PLEKHA7: variants seen among roughly 807,000 people sequenced by gnomAD.
PLEKHA7 encodes the protein pleckstrin homology domain-containing family A member 7.
Under a neutral mutation model 170.0 loss-of-function variants are expected in PLEKHA7, and 104 were observed. That is an observed-to-expected ratio of 0.61 (90% CI 0.52 to 0.72). The LOEUF (loss-of-function observed/expected upper bound fraction) is 0.72. Ranked by LOEUF, PLEKHA7 falls within the 30% of genes least tolerant of loss-of-function variation. The pLI, the probability that PLEKHA7 is intolerant of heterozygous loss-of-function variation, is 0.00. For synonymous variants in PLEKHA7, 648 were observed against 660.8 expected (o/e 0.98, Z 0.30); for missense variants, 1,615 against 1,671.7 (o/e 0.97, Z 0.59).
At chr11:16,780,179 T>C (rs536083806) in intron 26 of PLEKHA7, among the ~76,000 whole-genome samples, 7 of 152,330 alleles carry the variant, frequency 4.6e-5, no homozygotes, top group African/African-American at 1.7e-4. Flanking sequence ...CCTTCCCCTG[T>C]CCAGGTGAAC....
At chr11:16,911,026 G>C (rs1415715319) in intron 3 of PLEKHA7, among the ~76,000 whole-genome samples, 1 of 152,166 alleles carries the variant, frequency 6.6e-6, no homozygotes, top group Non-Finnish European at 1.5e-5. Context: ...TCCTATATCT[G>C]ATGACTTGGC....
At chr11:16,901,228 A>C (rs1857313733) in intron 3 of PLEKHA7, among the ~76,000 whole-genome samples, 1 of 152,134 alleles carries the variant, frequency 6.6e-6, no homozygotes, top group Admixed American at 6.6e-5. Context: ...AATAATATAT[A>C]CTCCTTAGAG....
intron 3 of PLEKHA7, among the ~76,000 whole-genome samples, chr11:17,008,306 G>C (rs1865133791): frequency 6.6e-6 from 1 of 152,224 alleles, no homozygotes; most frequent in African/African-American, 2.4e-5. Context: ...AGCCAGGGAA[G>C]GAAGACAGCC....
At chr11:16,797,056 A>T (rs142263286) in intron 17 of PLEKHA7, among the ~76,000 whole-genome samples, 4,340 of 146,830 alleles carry the variant, frequency 0.03, 88 homozygotes, top group Middle Eastern at 0.1. Flanking sequence ...TATATCAATT[A>T]AAAAAAAATT....
At chr11:17,000,000 T>A (rs1375076267) in intron 3 of PLEKHA7, among the ~76,000 whole-genome samples, 1 of 152,148 alleles carries the variant, frequency 6.6e-6, no homozygotes, top group African/African-American at 2.4e-5. Flanking sequence ...TACTCACATG[T>A]GGGAATCCTC....
chr11:16,964,440 C>T (rs146015215), intron 3 of PLEKHA7, among the ~76,000 whole-genome samples: 294 of 152,292 alleles, frequency 1.9e-3, no homozygotes, highest in Non-Finnish European at 3.3e-3. Flanking sequence ...GCACAACACA[C>T]AAGAGTTCCA....
In PLEKHA7 at chr11:16,791,250, A is replaced by G. The variant is rs1847832619; in HGVS notation, c.2746-51T>C. The G allele has an allele frequency of 3.3e-6, 5 of 1,502,876 alleles. No individual in the cohort carries two copies. The African/African-American group carries it at 7.0e-5, about 21-fold the overall frequency. The allele number at this position is 1,502,876 out of a possible 1,614,324, so 93.1% of individuals were successfully genotyped here. A position where few individuals can be genotyped will look rare whatever the true frequency, so the allele number is the denominator to read the frequency against. The stretch of plus-strand genomic sequence containing the variant: ...TGGTCAGCGAGACGGAGCTGGAGGG[A>G]GGACTGCTAGGTACTGCCACAGTGG... On this transcript the variant is annotated intron_variant, in intron 19 of 26. Coordinates refer to ENST00000531066, the MANE Select transcript of PLEKHA7 (RefSeq NM_001329630.2). The surrounding 1 kb of genome is among the most constrained non-coding windows in gnomAD (Gnocchi z 4.5).
intron 3 of PLEKHA7, among the ~76,000 whole-genome samples, chr11:16,993,212 G>A (rs1478234800): frequency 6.6e-6 from 1 of 152,126 alleles, no homozygotes; most frequent in Non-Finnish European, 1.5e-5. Context: ...AGAGAAATCA[G>A]GAGATACCAA....
intron 3 of PLEKHA7, among the ~76,000 whole-genome samples, chr11:16,892,428 G>GTTT (rs1565080704): frequency 0.035 from 2,304 of 66,780 alleles, 18 homozygotes; most frequent in Middle Eastern, 0.1. Flanking sequence ...GTGTGTGTGT[G>GTTT]TGTGTGTTTT....
chr11:16,921,744 G>T (rs1259681255), intron 3 of PLEKHA7, among the ~76,000 whole-genome samples: 1 of 152,200 alleles, frequency 6.6e-6, no homozygotes, highest in Non-Finnish European at 1.5e-5. Context: ...ATCACTGTCT[G>T]GTATCTAGTT....
intron 3 of PLEKHA7, among the ~76,000 whole-genome samples, chr11:16,973,702 GC>G (rs1862866502): frequency 6.6e-6 from 1 of 152,094 alleles, no homozygotes; most frequent in Admixed American, 6.6e-5. Context: ...CCTATGATGG[GC>G]CCTATGCCTT....
At chr11:16,849,092 C>T (rs535693143) in intron 8 of PLEKHA7, among the ~76,000 whole-genome samples, 1 of 152,320 alleles carries the variant, frequency 6.6e-6, no homozygotes, top group East Asian at 1.9e-4. Flanking sequence ...CTTTTCTCTG[C>T]TCTCGGATCC....
intron 3 of PLEKHA7, among the ~76,000 whole-genome samples, chr11:16,950,882 T>C (rs1020129536): frequency 6.6e-6 from 1 of 152,208 alleles, no homozygotes; most frequent in East Asian, 1.9e-4. Flanking sequence ...TTTCCCCAGC[T>C]ACATCTTTCT....
intron 3 of PLEKHA7, among the ~76,000 whole-genome samples, chr11:16,876,910 T>A (rs1173668908): frequency 6.6e-6 from 1 of 152,194 alleles, no homozygotes; most frequent in Non-Finnish European, 1.5e-5. Context: ...ATTATGTGAG[T>A]GATGCTTAAC....
Position 16,791,119 on chromosome 11 carries a change from T to A in PLEKHA7, c.2826A>T (p.Pro942=), listed in dbSNP as rs151330542. The A allele has an allele frequency of 2.9e-5, 47 of 1,614,122 alleles. No homozygotes were observed. In the African/African-American group the frequency reaches 4.5e-4, roughly 16 times the overall value. The stretch of plus-strand genomic sequence containing the variant: ...TGTGCCGGATGATGGTGGCCTCTCT[T>A]GGCAGAGGCGGCACAGCCGGGGGCT... ...EDQPPAVPPL[P]REATIIRHTS... Residue 942 remains proline, a synonymous_variant, in exon 20 of 27, where the codon CCA becomes CCT. Coordinates refer to ENST00000531066, the MANE Select transcript of PLEKHA7 (RefSeq NM_001329630.2). This position sits in a 1 kb window ranked among gnomAD's most constrained non-coding sequence, Gnocchi z 4.5.
At chr11:16,799,602 T>C (rs1848454845) in intron 17 of PLEKHA7, among the ~76,000 whole-genome samples, 1 of 152,196 alleles carries the variant, frequency 6.6e-6, no homozygotes, top group East Asian at 1.9e-4. Context: ...TTCAGATCAC[T>C]GAAGTCCAAG....
At chr11:16,996,288 T>C (rs1455104407) in intron 3 of PLEKHA7, among the ~76,000 whole-genome samples, 3 of 152,162 alleles carry the variant, frequency 2.0e-5, no homozygotes, top group African/African-American at 4.8e-5. Flanking sequence ...ACCCCATAGC[T>C]GCCCTATTTC....
At chr11:16,983,963 C>T (rs1863585941) in intron 3 of PLEKHA7, among the ~76,000 whole-genome samples, 1 of 152,110 alleles carries the variant, frequency 6.6e-6, no homozygotes, top group African/African-American at 2.4e-5. Context: ...ACCTGTGGCC[C>T]CAGCTACTCA....
At chr11:17,011,848 C>G (rs929905080) in intron 3 of PLEKHA7, among the ~76,000 whole-genome samples, 1 of 152,162 alleles carries the variant, frequency 6.6e-6, no homozygotes, top group African/African-American at 2.4e-5. Context: ...AAAACAAGAT[C>G]TCATGATTCT....
Sources: allele counts gnomAD v4.1 joint callset (sites outside exome capture counted in the v4.1 genomes callset), GRCh38; gene constraint gnomAD v4.1.1; non-coding constraint Gnocchi (gnomAD v3.1); transcripts MANE v1.5; gene names NCBI Gene and HGNC (gene_info 2026-07-23, HGNC 2026-07-21).